SLC43A2: variants seen among roughly 807,000 people sequenced by gnomAD.
The protein encoded by SLC43A2 is large neutral amino acids transporter small subunit 4.
SLC43A2 carries 38 observed loss-of-function variants against 63.2 expected under a neutral mutation model. The ratio of observed to expected loss-of-function variants is 0.60; its 90% confidence interval spans 0.46 to 0.79. The LOEUF (loss-of-function observed/expected upper bound fraction) is 0.79, where lower values mean the gene tolerates loss of function less well. SLC43A2 is among the 30% of genes least tolerant of loss of function. The pLI is 0.00. For missense variants in SLC43A2, 644 were observed against 756.2 expected, an observed-to-expected ratio of 0.85 and a Z score of 1.74; for synonymous variants, 322 against 331.0, an observed-to-expected ratio of 0.97 and a Z score of 0.30.
In SLC43A2 at chr17:1,587,576, G is replaced by A. The variant is rs567050209; in HGVS notation, c.1079-1525C>T. On this transcript the variant is annotated intron_variant, in intron 9 of 13. Coordinates refer to ENST00000301335, the MANE Select transcript of SLC43A2 (RefSeq NM_152346.3). ...CTGGTGGCCCCTGAGCTGCTGCTCC[G>A]AGTGGAATGTCCTGGTCTAGAGGCC... 1.2e-3 allele frequency among the ~76,000 whole-genome samples: 180 copies of A among 152,338 alleles called. 1 individual carries two copies. Among genetic ancestry groups the A allele is most frequent in the Admixed American group, 2.0e-3 (31 of 15,294 alleles).
At chr17:1,624,835 G>A (rs953405694) in intron 2 of SLC43A2, among the ~76,000 whole-genome samples, 3 of 152,126 alleles carry the variant, frequency 2.0e-5, no homozygotes, top group South Asian at 2.1e-4. Context: ...AGTCAAGGCC[G>A]CAGTGAGCTG....
chr17:1,594,728 T>C (rs35703900), intron 5 of SLC43A2, among the ~76,000 whole-genome samples: 35,863 of 147,688 alleles, frequency 0.24, 4,720 homozygotes, highest in Non-Finnish European at 0.27. Context: ...GCTGGGACTA[T>C]AGGCGCCCGC....
rs1413843500 is a variant in SLC43A2 at position 1,592,851 on chromosome 17, T to TGGGGAGCA, written c.594+328_594+335dup. The stretch of plus-strand genomic sequence containing the variant: ...GGTACAATAACAGCAGGCTGGGGGT[T>TGGGGAGCA]GGGGAGCAGGGGAGCAGCGGGAGAC... On this transcript the variant is annotated intron_variant, in intron 6 of 13. Coordinates refer to ENST00000301335, the MANE Select transcript of SLC43A2 (RefSeq NM_152346.3). 7.2e-5 allele frequency among the ~76,000 whole-genome samples: 11 copies of TGGGGAGCA among 152,074 alleles called. No homozygotes were observed. In the South Asian group the frequency reaches 2.3e-3, roughly 32 times the overall value.
intron 2 of SLC43A2, 48 bp downstream of exon 2, chr17:1,627,667 A>AACCCCCCCCACCCC: frequency 5.1e-6 from 2 of 393,396 alleles, no homozygotes; most frequent in Non-Finnish European, 6.8e-6. Flanking sequence ...GCCCCCTCCC[A>AACCCCCCCCACCCC]AAGCCCCAGC....
intron 4 of SLC43A2, 37 bp downstream of exon 4, chr17:1,614,942 C>A: frequency 6.2e-7 from 1 of 1,607,804 alleles, no homozygotes; most frequent in Non-Finnish European, 8.5e-7. Flanking sequence ...ACTCTCTCCC[C>A]GGTCCCTGAC....
At chr17:1,594,626 CG>C (rs1905107705) in intron 5 of SLC43A2, among the ~76,000 whole-genome samples, 1 of 132,250 alleles carries the variant, frequency 7.6e-6, no homozygotes, top group Non-Finnish European at 1.6e-5. Flanking sequence ...CTCGCTCTTT[CG>C]CCCAGGCTGT....
At chr17:1,624,240 C>T (rs575608989) in intron 2 of SLC43A2, among the ~76,000 whole-genome samples, 4 of 152,342 alleles carry the variant, frequency 2.6e-5, no homozygotes, top group South Asian at 2.1e-4. Flanking sequence ...AGTTCAAGAC[C>T]AGCCTGGGCA....
chr17:1,573,798 A>G lies in SLC43A2; in HGVS notation c.*1806T>C, dbSNP rs2075882056. On this transcript the variant is annotated 3_prime_UTR_variant, in exon 14 of 14. Transcript: ENST00000301335. ...CCACGCCCGATTAATGTTTATTTTT[A>G]GTACAGACGGGGTTTCTCCATGTTG... The G allele has an allele frequency of 6.6e-6, 1 of 151,774 alleles. No individual in the cohort carries two copies. Among genetic ancestry groups the G allele is most frequent in the African/African-American group, 2.4e-5 (1 of 41,308 alleles). The allele number at this position is 151,774 out of a possible 1,614,324, so 9.4% of individuals were successfully genotyped here. A position where few individuals can be genotyped will look rare whatever the true frequency, so the allele number is the denominator to read the frequency against.
At chr17:1,585,495 C>T in intron 10 of SLC43A2, 1 of 410,166 alleles carries the variant, frequency 2.4e-6, no homozygotes, top group Non-Finnish European at 4.3e-6. Context: ...ATTCACTCAC[C>T]TCAACCTTCC....
intron 9 of SLC43A2, among the ~76,000 whole-genome samples, chr17:1,587,209 T>A (rs2076117391): frequency 6.6e-6 from 1 of 152,212 alleles, no homozygotes; most frequent in Admixed American, 6.5e-5. Context: ...CCTGCTGACA[T>A]TCTCCTGTCT....
At chr17:1,594,710 C>T (rs1203314104) in intron 5 of SLC43A2, among the ~76,000 whole-genome samples, 2 of 149,526 alleles carry the variant, frequency 1.3e-5, no homozygotes, top group South Asian at 2.2e-4. Flanking sequence ...GCCTCAGCCT[C>T]CCGTGTAGCT....
chr17:1,583,194 C>A lies in SLC43A2; in HGVS notation c.1350+10G>T. ...ACCTCCCACCTGCCCCTCCCACTCC[C>A]CACACCCACCTGGAGAGGCAGGTTG... On this transcript the variant is annotated intron_variant, in intron 11 of 13. Transcript: ENST00000301335. The surrounding 1 kb of genome is among the most constrained non-coding windows in gnomAD (Gnocchi z 5.5). 1.2e-6 allele frequency: 2 copies of A among 1,613,676 alleles called. No homozygotes were observed. Among genetic ancestry groups the A allele is most frequent in the South Asian group, 2.2e-5 (2 of 91,082 alleles).
rs766512850 is a variant in SLC43A2 at position 1,591,481 on chromosome 17, C to T, written c.729-10G>A. On this transcript the variant is annotated splice_polypyrimidine_tract_variant and intron_variant, in intron 7 of 13. Transcript: ENST00000301335. The stretch of plus-strand genomic sequence containing the variant: ...GAACTTGATCTTCACCCTGGGGCCC[C>T]GGGAGAGTGTCTGTGGGTGCTGCCC... The T allele has an allele frequency of 3.7e-6, 6 of 1,612,328 alleles. No homozygotes were observed. Among genetic ancestry groups the T allele is most frequent in the African/African-American group, 2.7e-5 (2 of 74,796 alleles).
In SLC43A2 at chr17:1,585,907, A is replaced by T; in HGVS notation, c.1217+6T>A. 2 of 1,613,654 alleles carry T rather than the reference A, an allele frequency of 1.2e-6. No homozygotes were observed. Among genetic ancestry groups the T allele is most frequent in the East Asian group, 4.5e-5 (2 of 44,878 alleles). ...GGGAGCCGGGGCACCGGCCCTGCCTACGCACTGGTTGGCGTCTTTCTCCTC... is the reference window on the plus strand; with the variant it reads ...GGGAGCCGGGGCACCGGCCCTGCCTTCGCACTGGTTGGCGTCTTTCTCCTC... On this transcript the variant is annotated splice_donor_region_variant and intron_variant, in intron 10 of 13. Coordinates refer to ENST00000301335, the MANE Select transcript of SLC43A2 (RefSeq NM_152346.3).
intron 11 of SLC43A2, among the ~76,000 whole-genome samples, chr17:1,581,357 C>T (rs1439278707): frequency 6.6e-6 from 1 of 152,220 alleles, no homozygotes. Flanking sequence ...GCGGTTAGGG[C>T]AAAGGTCTGC....
intron 5 of SLC43A2, among the ~76,000 whole-genome samples, chr17:1,602,090 G>A (rs1906101391): frequency 6.6e-6 from 1 of 152,218 alleles, no homozygotes. Flanking sequence ...CCCCAGGTGT[G>A]CGCCGCCCTC....
chr17:1,610,688 G>C (rs1355671312), intron 5 of SLC43A2, among the ~76,000 whole-genome samples: 1 of 150,606 alleles, frequency 6.6e-6, no homozygotes, highest in Non-Finnish European at 1.5e-5. Context: ...GACCAGCCTG[G>C]TCAACATAGT....
At chr17:1,581,231 G>A (rs1334104521) in intron 11 of SLC43A2, among the ~76,000 whole-genome samples, 1 of 25,626 alleles carries the variant, frequency 3.9e-5, no homozygotes, top group Non-Finnish European at 1.0e-4. Context: ...CGCACGCTGT[G>A]CAGGCCTCCC....
intron 9 of SLC43A2, 118 bp from the exon 10 acceptor site, chr17:1,586,169 C>T: frequency 7.1e-7 from 1 of 1,413,846 alleles, no homozygotes; most frequent in East Asian, 2.5e-5. Context: ...GCCCCAGAAC[C>T]CCCTGTCACT....
Sources: gnomAD v4.1 joint callset for allele counts (sites outside exome capture counted in the v4.1 genomes callset) on GRCh38, gnomAD v4.1.1 for gene constraint, Gnocchi (gnomAD v3.1) non-coding constraint, MANE v1.5 for transcripts, NCBI Gene and HGNC (gene_info 2026-07-23, HGNC 2026-07-21) for gene names.